The following PCDHGB1 variants were observed in gnomAD, a reference collection of about 807,000 sequenced individuals.
The protein encoded by PCDHGB1 is protocadherin gamma-B1.
PCDHGB1 carries 34 observed loss-of-function variants against 56.6 expected under a neutral mutation model. That is an observed-to-expected ratio of 0.60 (90% CI 0.46 to 0.80). The LOEUF is 0.80. Ranked by LOEUF, PCDHGB1 falls within the 30% of genes least tolerant of loss-of-function variation. The probability of loss-of-function intolerance (pLI) is 0.00; values close to 1 mark genes in which losing one functional copy is unlikely to be tolerated. For missense variants in PCDHGB1, 1,278 were observed against 1,204.6 expected, an observed-to-expected ratio of 1.06 and a Z score of -0.90; for synonymous variants, 561 against 505.9, an observed-to-expected ratio of 1.11 and a Z score of -1.46.
chr5:141,376,844 G>T (rs897403160), intron 1 of PCDHGB1: 2 of 241,996 alleles, frequency 8.3e-6, no homozygotes, highest in Non-Finnish European at 1.6e-5. Flanking sequence ...CCGCCACCGC[G>T]CCCGGCTAAT....
intron 1 of PCDHGB1, among the ~76,000 whole-genome samples, chr5:141,447,082 T>A (rs1259827606): frequency 6.6e-6 from 1 of 152,156 alleles, no homozygotes; most frequent in Non-Finnish European, 1.5e-5. Flanking sequence ...ATTTTTGTTG[T>A]TTAATTTTCT....
intron 1 of PCDHGB1, among the ~76,000 whole-genome samples, chr5:141,358,812 C>T (rs1446973698): frequency 6.6e-6 from 1 of 152,188 alleles, no homozygotes; most frequent in Non-Finnish European, 1.5e-5. Flanking sequence ...ATGATTTACG[C>T]TGCTTAGTAA....
chr5:141,415,502 A>T, intron 1 of PCDHGB1: 1 of 1,614,204 alleles, frequency 6.2e-7, no homozygotes, highest in African/African-American at 1.3e-5. Flanking sequence ...ATCTTCCCCC[A>T]GCCCAATTAT....
At chr5:141,405,044 G>T (rs769617162) in intron 1 of PCDHGB1, 160 of 1,613,938 alleles carry the variant, frequency 9.9e-5, no homozygotes, top group Middle Eastern at 1.6e-4. Flanking sequence ...TGTGGCTGTG[G>T]CAGTCGTCTC....
intron 1 of PCDHGB1, chr5:141,355,325 G>C: frequency 6.2e-7 from 1 of 1,614,010 alleles, no homozygotes; most frequent in Admixed American, 1.7e-5. Context: ...CAGGAAGAAG[G>C]CTCAGTGGTG....
At chr5:141,399,464 C>T (rs747827208) in intron 1 of PCDHGB1, 4 of 1,614,018 alleles carry the variant, frequency 2.5e-6, no homozygotes, top group South Asian at 1.1e-5. Flanking sequence ...GATAACGCTC[C>T]GGTTTTCCAC....
chr5:141,428,354 T>G, intron 1 of PCDHGB1: 1 of 572,018 alleles, frequency 1.7e-6, no homozygotes. Context: ...GCAGTGATTT[T>G]GGCGGTCGCC....
intron 1 of PCDHGB1, among the ~76,000 whole-genome samples, chr5:141,448,948 A>C (rs918513864): frequency 6.6e-6 from 1 of 152,170 alleles, no homozygotes; most frequent in African/African-American, 2.4e-5. Flanking sequence ...GCAACTCAAA[A>C]AAACAAACAA....
At chr5:141,430,873 G>C (rs2097319709) in intron 1 of PCDHGB1, 1 of 1,598,842 alleles carries the variant, frequency 6.3e-7, no homozygotes, top group African/African-American at 1.3e-5. Flanking sequence ...TTCCGGAAGA[G>C]CTGGAGAAAG....
chr5:141,375,766 G>C lies in PCDHGB1; in HGVS notation c.2409+23097G>C, dbSNP rs754916018. The C allele has an allele frequency of 4.3e-6, 7 of 1,614,270 alleles. No homozygotes were observed. In the South Asian group the frequency reaches 7.7e-5, roughly 18 times the overall value. On this transcript the variant is annotated intron_variant, in intron 1 of 3. Coordinates refer to ENST00000523390, the MANE Select transcript of PCDHGB1 (RefSeq NM_018922.3). ...TGGACCAGAATGACAATGCGCCCGA[G>C]ATCCTGTACCCCGCCCTCCCCACAG...
At chr5:141,441,779 C>T in intron 1 of PCDHGB1, 2 of 390,030 alleles carry the variant, frequency 5.1e-6, no homozygotes, top group South Asian at 2.0e-5. Context: ...TGGTGGACGA[C>T]CTGAATGACA....
chr5:141,473,763 G>A (rs1333191998), intron 1 of PCDHGB1, among the ~76,000 whole-genome samples: 1 of 152,204 alleles, frequency 6.6e-6, no homozygotes, highest in African/African-American at 2.4e-5. Context: ...ACTATGCAAA[G>A]GATTTGGTAT....
chr5:141,486,869 C>G lies in PCDHGB1; in HGVS notation c.2410-7938C>G. On this transcript the variant is annotated intron_variant, in intron 1 of 3. Transcript: ENST00000523390. This position sits in a 1 kb window ranked among gnomAD's most constrained non-coding sequence, Gnocchi z 5.0. ...CCTCAATGACAATGCTCCAGCTGTG[C>G]TCCGTCCTCGGGCCCGGCCTGGTTC... The G allele has an allele frequency of 6.2e-7, 1 of 1,614,246 alleles. No homozygotes were observed. The highest frequency in any genetic ancestry group is 8.5e-7 in the Non-Finnish European group (1 of 1,180,042).
intron 2 of PCDHGB1, among the ~76,000 whole-genome samples, chr5:141,498,277 G>T (rs1216561939): frequency 6.6e-6 from 1 of 151,924 alleles, no homozygotes; most frequent in African/African-American, 2.4e-5. Flanking sequence ...CAGTAAACTT[G>T]GTTCAAGATC....
rs1460072742 is a variant in PCDHGB1, at chr5:141,399,761, G to A, written c.2409+47092G>A. 3 of 1,613,238 alleles carry A rather than the reference G, an allele frequency of 1.9e-6. No individual in the cohort carries two copies. The highest frequency in any genetic ancestry group is 1.7e-4 in the Middle Eastern group (1 of 5,918). On this transcript the variant is annotated intron_variant, in intron 1 of 3. Transcript: ENST00000523390. The stretch of plus-strand genomic sequence containing the variant: ...GCGCTCAGCGCAAACGTGAGCCTGC[G>A]CGTGTTGGTGGGCGACCGAAACGAC...
At chr5:141,370,913 C>T (rs1242230651) in intron 1 of PCDHGB1, 5 of 1,613,884 alleles carry the variant, frequency 3.1e-6, no homozygotes, top group African/African-American at 2.7e-5. Context: ...ACTACCTCAG[C>T]CCTGATCCGC....
intron 1 of PCDHGB1, chr5:141,422,082 G>A (rs2096622921): frequency 6.2e-7 from 1 of 1,612,284 alleles, no homozygotes; most frequent in East Asian, 2.2e-5. Context: ...TTCGGAACAT[G>A]GAAAGCAAGG....
At chr5:141,360,955 A>G in intron 1 of PCDHGB1, 1 of 1,613,952 alleles carries the variant, frequency 6.2e-7, no homozygotes, top group Non-Finnish European at 8.5e-7. Context: ...TGAAGGCATA[A>G]ACGCAGAGAT....
At chr5:141,414,878 A>G in intron 1 of PCDHGB1, 2 of 1,614,026 alleles carry the variant, frequency 1.2e-6, no homozygotes, top group Non-Finnish European at 1.7e-6. Context: ...GAGATCCTGT[A>G]CCCCGCCCTC....
Sources: gnomAD v4.1 joint callset for allele counts (sites outside exome capture counted in the v4.1 genomes callset) on GRCh38, gnomAD v4.1.1 for gene constraint, Gnocchi (gnomAD v3.1) non-coding constraint, MANE v1.5 for transcripts, NCBI Gene and HGNC (gene_info 2026-07-23, HGNC 2026-07-21) for gene names.